SEPTIN7: variants seen among roughly 807,000 people sequenced by gnomAD.
The protein encoded by SEPTIN7 is septin-7.
Under a neutral mutation model 63.3 loss-of-function variants are expected in SEPTIN7, and 10 were observed. That is an observed-to-expected ratio of 0.16 (90% CI 0.10 to 0.27). The LOEUF (loss-of-function observed/expected upper bound fraction) is 0.27, where lower values mean the gene tolerates loss of function less well. Ranked by LOEUF, SEPTIN7 falls within the 10% of genes least tolerant of loss-of-function variation. The pLI, the probability that SEPTIN7 is intolerant of heterozygous loss-of-function variation, is 1.00. For synonymous variants in SEPTIN7, 131 were observed against 165.3 expected, an observed-to-expected ratio of 0.79 and a Z score of 1.59; for missense variants, 310 against 521.0, an observed-to-expected ratio of 0.59 and a Z score of 3.94.
chr7:35,822,409 T>G (rs929492788), intron 1 of SEPTIN7, among the ~76,000 whole-genome samples: 3 of 152,054 alleles, frequency 2.0e-5, no homozygotes, highest in Non-Finnish European at 4.4e-5. Flanking sequence ...AGGTTCTATC[T>G]AGAGGTGATG....
At chr7:35,889,167 A>G (rs1433044966) in intron 10 of SEPTIN7, among the ~76,000 whole-genome samples, 1 of 152,248 alleles carries the variant, frequency 6.6e-6, no homozygotes, top group African/African-American at 2.4e-5. Flanking sequence ...AAAGGTTTCC[A>G]AAGCAATTAA....
intron 1 of SEPTIN7, among the ~76,000 whole-genome samples, chr7:35,810,988 C>T (rs1284052488): frequency 5.9e-5 from 9 of 152,108 alleles, no homozygotes; most frequent in Admixed American, 1.3e-4. Context: ...AGACTGGTAT[C>T]GAACTCCTGA....
At chr7:35,807,778 G>A (rs1482950358) in intron 1 of SEPTIN7, among the ~76,000 whole-genome samples, 1 of 152,096 alleles carries the variant, frequency 6.6e-6, no homozygotes, top group Non-Finnish European at 1.5e-5. Flanking sequence ...GATTACAGGT[G>A]TGAGCCACCG....
rs997761900 is a variant in SEPTIN7 at position 35,890,603 on chromosome 7, A to G, written c.873-65A>G. 35 of 1,319,144 alleles carry G rather than the reference A, an allele frequency of 2.7e-5. No homozygotes were observed. In the African/African-American group the frequency reaches 4.8e-4, roughly 18 times the overall value. The allele number at this position is 1,319,144 out of a possible 1,614,324, so 81.7% of individuals were successfully genotyped here. ...GGTAAAATTTTGAATTCATATTAAA[A>G]CTTTTTAAGCTTTTTTCCCCCTAGC... On this transcript the variant is annotated intron_variant, in intron 10 of 13. Coordinates refer to ENST00000350320, the MANE Select transcript of SEPTIN7 (RefSeq NM_001788.6).
chr7:35,847,504 G>A (rs1327568998), intron 3 of SEPTIN7: 1 of 150,838 alleles, frequency 6.6e-6, no homozygotes, highest in Non-Finnish European at 1.5e-5. Context: ...GGTATTAGAG[G>A]TTTTACATTT....
Position 35,898,395 on chromosome 7 carries a change from A to C in SEPTIN7, c.1134+12A>C, listed in dbSNP as rs759845444. ...ACTCTGAAGCTGAGGTAATCAGTCTAATATCCCATCTCTTAGCAGACATTG... is the reference window on the plus strand; with the variant it reads ...ACTCTGAAGCTGAGGTAATCAGTCTCATATCCCATCTCTTAGCAGACATTG... On this transcript the variant is annotated intron_variant, in intron 12 of 13. Coordinates refer to ENST00000350320, the MANE Select transcript of SEPTIN7 (RefSeq NM_001788.6). The C allele has an allele frequency of 1.3e-6, 2 of 1,514,888 alleles. No homozygotes were observed. Among genetic ancestry groups the C allele is most frequent in the Admixed American group, 2.0e-5 (1 of 50,680 alleles). The allele number at this position is 1,514,888 out of a possible 1,614,324, so 93.8% of individuals were successfully genotyped here. A position where few individuals can be genotyped will look rare whatever the true frequency, so the allele number is the denominator to read the frequency against.
chr7:35,801,262 G>A lies in SEPTIN7; in HGVS notation c.53G>A (p.Ser18Asn). 2 of 1,511,714 alleles carry A rather than the reference G, an allele frequency of 1.3e-6. No individual in the cohort carries two copies. Among genetic ancestry groups the A allele is most frequent in the South Asian group, 1.2e-5 (1 of 80,506 alleles). The allele number at this position is 1,511,714 out of a possible 1,614,324, so 93.6% of individuals were successfully genotyped here. ...GCTGAGGAGAGGAGCGTCAACAGCA[G>A]CACCATGGGTGAGTCTCAGCTTCGG... Reference protein sequence around the residue: ...AAAEERSVNSSTMVAQQKNLE... With the variant: ...AAAEERSVNSNTMVAQQKNLE... The change falls in exon 1 of 14, where the codon AGC (serine) becomes AAC (asparagine). Residue 18 changes from serine (S) to asparagine (N), a missense_variant. By Grantham distance (46) the Ser-to-Asn change is conservative. Around this residue, in one of 2 missense-constraint regions of SEPTIN7, gnomAD observed 55 missense variants for 30.5 expected, o/e 1.80. Coordinates refer to ENST00000350320, the MANE Select transcript of SEPTIN7 (RefSeq NM_001788.6).
chr7:35,830,265 G>A (rs1484255905), intron 1 of SEPTIN7, among the ~76,000 whole-genome samples: 1 of 152,148 alleles, frequency 6.6e-6, no homozygotes, highest in South Asian at 2.1e-4. Context: ...TGTTTGGGGG[G>A]TAGTTAGGGA....
intron 4 of SEPTIN7, among the ~76,000 whole-genome samples, chr7:35,865,321 A>C (rs1414908874): frequency 6.6e-6 from 1 of 152,070 alleles, no homozygotes; most frequent in Non-Finnish European, 1.5e-5. Flanking sequence ...TCAGTATTAC[A>C]CCCCCCAAAG....
chr7:35,874,583 G>A (rs1318001879), intron 6 of SEPTIN7, among the ~76,000 whole-genome samples: 1 of 152,064 alleles, frequency 6.6e-6, no homozygotes, highest in Non-Finnish European at 1.5e-5. Flanking sequence ...AGGCTAAATA[G>A]CATTAAGTTA....
Position 35,906,130 on chromosome 7 carries a change from G to A in SEPTIN7, c.*1837G>A, listed in dbSNP as rs951396619. The A allele has an allele frequency of 1.3e-5, 2 of 152,112 alleles. No homozygotes were observed. The highest frequency in any genetic ancestry group is 2.4e-5 in the African/African-American group (1 of 41,422). 9.4% of individuals were successfully genotyped at this position (152,112 alleles called of 1,614,324 possible). A position where few individuals can be genotyped will look rare whatever the true frequency, so the allele number is the denominator to read the frequency against. The stretch of plus-strand genomic sequence containing the variant: ...CCTACTGAATTTGGAAAATGCAAAG[G>A]TAAAAAATGTATATAGACTGCCTGC... On this transcript the variant is annotated 3_prime_UTR_variant, in exon 14 of 14. Coordinates refer to ENST00000350320, the MANE Select transcript of SEPTIN7 (RefSeq NM_001788.6).
intron 1 of SEPTIN7, chr7:35,815,086 T>C (rs1205326964): frequency 5.1e-6 from 2 of 388,956 alleles, no homozygotes; most frequent in African/African-American, 2.2e-5. Flanking sequence ...CAGTTGTCCA[T>C]TGATAGACCT....
intron 1 of SEPTIN7, among the ~76,000 whole-genome samples, chr7:35,826,914 T>C (rs1447499317): frequency 6.6e-6 from 1 of 152,158 alleles, no homozygotes; most frequent in Non-Finnish European, 1.5e-5. Flanking sequence ...AAAGAATTCT[T>C]AAAGAATTTC....
chr7:35,816,003 A>G (rs1189886900), intron 1 of SEPTIN7, among the ~76,000 whole-genome samples: 1 of 152,136 alleles, frequency 6.6e-6, no homozygotes, highest in Non-Finnish European at 1.5e-5. Flanking sequence ...GCATATGAGA[A>G]GATATGTGTG....
intron 3 of SEPTIN7, among the ~76,000 whole-genome samples, chr7:35,835,844 T>C (rs1424420104): frequency 6.6e-6 from 1 of 152,248 alleles, no homozygotes; most frequent in African/African-American, 2.4e-5. Context: ...CTGAATGTTA[T>C]AGTCTAGGGA....
chr7:35,827,244 A>G (rs1468924819), intron 1 of SEPTIN7, among the ~76,000 whole-genome samples: 1 of 152,204 alleles, frequency 6.6e-6, no homozygotes, highest in African/African-American at 2.4e-5. Flanking sequence ...GTATTTTTGT[A>G]GAAGCTTGGG....
At chr7:35,883,338 C>G in intron 8 of SEPTIN7, among the ~76,000 whole-genome samples, 1 of 152,042 alleles carries the variant, frequency 6.6e-6, no homozygotes, top group Admixed American at 6.6e-5. Flanking sequence ...TTATACATTG[C>G]CTGTGAAGAA....
chr7:35,826,917 A>G (rs1208648631), intron 1 of SEPTIN7, among the ~76,000 whole-genome samples: 2 of 152,170 alleles, frequency 1.3e-5, no homozygotes, highest in Non-Finnish European at 2.9e-5. Flanking sequence ...GAATTCTTAA[A>G]GAATTTCAGT....
intron 11 of SEPTIN7, among the ~76,000 whole-genome samples, chr7:35,892,517 A>G (rs1003670333): frequency 2.0e-5 from 3 of 152,162 alleles, no homozygotes; most frequent in African/African-American, 7.2e-5. Flanking sequence ...TTAAAGTACT[A>G]GTACATATTT....
Sources: gnomAD v4.1 joint callset for allele counts (sites outside exome capture counted in the v4.1 genomes callset) on GRCh38, gnomAD v4.1.1 for gene constraint, gnomAD v4.1.1 regional missense constraint, MANE v1.5 for transcripts, NCBI Gene and HGNC (gene_info 2026-07-23, HGNC 2026-07-21) for gene names.